Variants in NCOA2 observed in about 807,000 individuals in gnomAD.
The protein encoded by NCOA2 is nuclear receptor coactivator 2.
NCOA2 carries 21 observed loss-of-function variants against 145.1 expected under a neutral mutation model. The observed-to-expected ratio is 0.14, with a 90% CI of 0.10 to 0.21. NCOA2 has a LOEUF of 0.21. Ranked by LOEUF, NCOA2 falls within the 10% of genes least tolerant of loss-of-function variation. The pLI is 1.00. For synonymous variants in NCOA2, 619 were observed against 637.5 expected, an observed-to-expected ratio of 0.97 and a Z score of 0.44; for missense variants, 1,472 against 1,837.6, an observed-to-expected ratio of 0.80 and a Z score of 3.64.
At chr8:70,426,503 G>A in the NCOA2 span, among the ~76,000 whole-genome samples, 1 of 152,148 alleles carries the variant, frequency 6.6e-6, no homozygotes, top group South Asian at 2.1e-4. Flanking sequence ...TAAAAGACCA[G>A]CAGAAAACCT....
intron 2 of NCOA2, among the ~76,000 whole-genome samples, chr8:70,293,752 T>C (rs2135706960): frequency 6.6e-6 from 1 of 152,338 alleles, no homozygotes; most frequent in Middle Eastern, 3.4e-3. Context: ...GTTTTGATTA[T>C]CAATGCCAAG....
chr8:70,409,406 T>G, the NCOA2 span, among the ~76,000 whole-genome samples: 4 of 152,238 alleles, frequency 2.6e-5, no homozygotes, highest in African/African-American at 9.6e-5. Flanking sequence ...CCCCCAAACT[T>G]ATAGTCAATG....
chr8:70,311,423 TTC>T lies in NCOA2; in HGVS notation c.-76-14625_-76-14624del, dbSNP rs555685644. Among the ~76,000 whole-genome samples, 143 of 152,246 alleles carry T rather than the reference TTC, an allele frequency of 9.4e-4. 1 individual carries two copies. Among genetic ancestry groups the T allele is most frequent in the Non-Finnish European group, 1.7e-3 (117 of 68,024 alleles). ...ACATTACATAGTAATTTGTCAGAAT[TTC>T]TTTTTTAAAATATGATGCAAAAAAG... is the stretch of plus-strand genomic sequence containing the variant. On this transcript the variant is annotated intron_variant, in intron 1 of 22. Coordinates refer to ENST00000452400, the MANE Select transcript of NCOA2 (RefSeq NM_006540.4).
intron 4 of NCOA2, among the ~76,000 whole-genome samples, chr8:70,185,264 C>T (rs1248322202): frequency 3.3e-5 from 5 of 152,262 alleles, no homozygotes; most frequent in Admixed American, 1.3e-4. Context: ...GAGGACCTCA[C>T]CAGTGTGGTT....
Position 70,269,709 on chromosome 8 carries a change from TTCAA to T in NCOA2, c.-20+27031_-20+27034del, listed in dbSNP as rs146738037. Among the ~76,000 whole-genome samples the T allele has an allele frequency of 5.9e-3, 898 of 152,308 alleles. 5 individuals carry two copies. The highest frequency in any genetic ancestry group is 0.02 in the African/African-American group (834 of 41,580). On this transcript the variant is annotated intron_variant, in intron 2 of 22. Coordinates refer to ENST00000452400, the MANE Select transcript of NCOA2 (RefSeq NM_006540.4). ...TTTTTCACTAAGACAAACTAACAACTTCAATCAATATACAAAATATACATGTTTG... is the reference window on the plus strand; with the variant it reads ...TTTTTCACTAAGACAAACTAACAACTTCAATATACAAAATATACATGTTTG...
chr8:70,337,228 TGTGG>T (rs1294268695), intron 1 of NCOA2, among the ~76,000 whole-genome samples: 1 of 150,490 alleles, frequency 6.6e-6, no homozygotes, highest in East Asian at 1.9e-4. Flanking sequence ...TGTGTGTGTG[TGTGG>T]TGTAACACAG....
the NCOA2 span, among the ~76,000 whole-genome samples, chr8:70,417,825 C>T: frequency 1.3e-5 from 2 of 152,124 alleles, no homozygotes; most frequent in African/African-American, 4.8e-5. Context: ...TTTCGTATCT[C>T]CATTGTGTAG....
rs763992922 is a variant in NCOA2, at chr8:70,128,844, G to A, written c.3461C>T (p.Pro1154Leu). 3 of 1,614,026 alleles carry A rather than the reference G, an allele frequency of 1.9e-6. No homozygotes were observed. Among genetic ancestry groups the A allele is most frequent in the Non-Finnish European group, 8.5e-7 (1 of 1,179,900 alleles). ...CCGCTGTCCCATGGTGTGAAAGTTT[G>A]GATCTTGCATGGGAGAATAGCTACC... ...AQGSYSPMQD[P>L]NFHTMGQRPS... Residue 1154 changes from proline (P) to leucine (L), a missense_variant, in exon 17 of 23, where the codon CCA (proline) becomes CTA (leucine). Transcript: ENST00000452400.
intron 2 of NCOA2, among the ~76,000 whole-genome samples, chr8:70,217,962 T>C (rs536924382): frequency 1.0e-4 from 15 of 150,420 alleles, no homozygotes; most frequent in South Asian, 4.2e-4. Context: ...TTTTCTTTTC[T>C]GGATAGAAAA....
At chr8:70,193,417 G>A (rs1178017493) in intron 4 of NCOA2, among the ~76,000 whole-genome samples, 1 of 151,978 alleles carries the variant, frequency 6.6e-6, no homozygotes, top group Non-Finnish European at 1.5e-5. Context: ...GCATGGAAGT[G>A]AGGGAAAAAA....
At chr8:70,335,617 C>T (rs1262279542) in intron 1 of NCOA2, among the ~76,000 whole-genome samples, 3 of 152,206 alleles carry the variant, frequency 2.0e-5, no homozygotes, top group African/African-American at 7.2e-5. Context: ...CTGCTCCCTA[C>T]TCCTGGCAAC....
At chr8:70,264,851 G>C (rs1476901065) in intron 2 of NCOA2, among the ~76,000 whole-genome samples, 2 of 151,748 alleles carry the variant, frequency 1.3e-5, no homozygotes, top group Non-Finnish European at 1.5e-5. Context: ...AACCCATAAT[G>C]TTATAGGAAA....
Position 70,128,505 on chromosome 8 carries a change from G to A in NCOA2, c.3609C>T (p.Arg1203=). ...LQHRLQAQQN[R]QPLMNQISNV... The stretch of plus-strand genomic sequence containing the variant: ...TGCTGATTTGATTCATAAGTGGCTG[G>A]CGATTCTAAATACATACAAACAGGA... Residue 1203 remains arginine (R), a synonymous_variant, in exon 18 of 23, where the codon CGC becomes CGT. Coordinates refer to ENST00000452400, the MANE Select transcript of NCOA2 (RefSeq NM_006540.4). 1 of 1,612,262 alleles carries A rather than the reference G, an allele frequency of 6.2e-7. No homozygotes were observed. Among genetic ancestry groups the A allele is most frequent in the East Asian group, 2.2e-5 (1 of 44,870 alleles).
rs575965602 is a variant in NCOA2, at chr8:70,148,102, A to C, written c.2605+171T>G. Among the ~76,000 whole-genome samples, 24 of 152,354 alleles carry C rather than the reference A, an allele frequency of 1.6e-4. No homozygotes were observed. The South Asian group carries it at 5.0e-3, about 32-fold the overall frequency. On this transcript the variant is annotated intron_variant, in intron 12 of 22. Coordinates refer to ENST00000452400, the MANE Select transcript of NCOA2 (RefSeq NM_006540.4). Reference sequence around the variant, plus strand: ...AAGAGAATGTGAGAGAACCATGCTCAGGAGGATCCATTTTGAATACTGTTT... The same window carrying C: ...AAGAGAATGTGAGAGAACCATGCTCCGGAGGATCCATTTTGAATACTGTTT...
At chr8:70,413,392 A>C in the NCOA2 span, among the ~76,000 whole-genome samples, 1 of 152,208 alleles carries the variant, frequency 6.6e-6, no homozygotes, top group South Asian at 2.1e-4. Context: ...TTAAGATTCC[A>C]TGCAGCTCTG....
In NCOA2 at chr8:70,115,180, C is replaced by T. The variant is rs547861005; in HGVS notation, c.4384-1537G>A. ...TTTATTTATTTTTGAGACGGAGTTT[C>T]GCTCTTGTTGCCCAGGCTGGAGTTC... On this transcript the variant is annotated intron_variant, in intron 22 of 22. Transcript: ENST00000452400. 1.3e-4 allele frequency among the ~76,000 whole-genome samples: 20 copies of T among 152,154 alleles called. No individual in the cohort carries two copies. In the South Asian group the frequency reaches 3.9e-3, roughly 30 times the overall value.
intron 2 of NCOA2, among the ~76,000 whole-genome samples, chr8:70,272,898 A>G (rs547219390): frequency 6.6e-6 from 1 of 152,326 alleles, no homozygotes; most frequent in South Asian, 2.1e-4. Context: ...ACTAACTTTC[A>G]TCTTCATTTT....
chr8:70,173,286 C>A (rs1312018140), intron 5 of NCOA2, among the ~76,000 whole-genome samples: 2 of 152,168 alleles, frequency 1.3e-5, no homozygotes, highest in African/African-American at 4.8e-5. Context: ...TTAGAAGTAT[C>A]AAAAGTCTTC....
intron 2 of NCOA2, among the ~76,000 whole-genome samples, chr8:70,293,823 C>A (rs1826885371): frequency 6.6e-6 from 1 of 152,124 alleles, no homozygotes. Context: ...GAAATACTGA[C>A]CTAGCTGTAC....
Sources: allele counts gnomAD v4.1 joint callset (sites outside exome capture counted in the v4.1 genomes callset), GRCh38; gene constraint gnomAD v4.1.1; transcripts MANE v1.5; gene names NCBI Gene and HGNC (gene_info 2026-07-23, HGNC 2026-07-21).